The following SASH1 variants were observed in gnomAD, a reference collection of about 807,000 sequenced individuals.
SASH1 encodes SAM and SH3 domain containing 1.
A neutral mutation model predicts 125.2 loss-of-function variants in SASH1; 44 were observed. That is an observed-to-expected ratio of 0.35 (90% CI 0.28 to 0.45). The LOEUF (loss-of-function observed/expected upper bound fraction) is 0.45. Ranked by LOEUF, SASH1 falls within the 20% of genes least tolerant of loss-of-function variation. SASH1 has a pLI of 1.00. For missense variants in SASH1, 1,426 were observed against 1,614.5 expected (o/e 0.88, Z 2.00); for synonymous variants, 639 against 649.1 (o/e 0.98, Z 0.24).
intron 2 of SASH1, among the ~76,000 whole-genome samples, chr6:148,416,362 T>C (rs185155763): frequency 6.6e-6 from 1 of 152,190 alleles, no homozygotes; most frequent in Admixed American, 6.5e-5. Flanking sequence ...TAATCCCCAC[T>C]AGCTGTACAC....
intron 1 of SASH1, among the ~76,000 whole-genome samples, chr6:148,316,414 C>A (rs1203257376): frequency 1.3e-5 from 2 of 152,156 alleles, no homozygotes; most frequent in African/African-American, 4.8e-5. Flanking sequence ...ATGATAATAG[C>A]ACAAATAAAA....
intron 1 of SASH1, among the ~76,000 whole-genome samples, chr6:148,303,011 G>T (rs1203661342): frequency 6.6e-6 from 1 of 151,844 alleles, no homozygotes; most frequent in Non-Finnish European, 1.5e-5. Flanking sequence ...ACGGAGTTTT[G>T]ATCTTGTTGC....
At position 148,291,069 on chromosome 6, in the gene SASH1, G is replaced by C. The variant is rs1779620812; in HGVS notation, n.74+18692G>C. Among the ~76,000 whole-genome samples, 10 of 151,074 alleles carry C rather than the reference G, an allele frequency of 6.6e-5. No individual in the cohort carries two copies. In the South Asian group the frequency reaches 2.1e-3, roughly 32 times the overall value. ...GCTGGAGTGCAGTGGTGCAAATCATGGCTCACTGCAGCCTCAACTGCCCCT... is the reference window on the plus strand; with the variant it reads ...GCTGGAGTGCAGTGGTGCAAATCATCGCTCACTGCAGCCTCAACTGCCCCT... On this transcript the variant is annotated intron_variant and non_coding_transcript_variant, in intron 1 of 3. Transcript: ENST00000367469.
chr6:148,284,750 T>G (rs1779438482), intron 1 of SASH1, among the ~76,000 whole-genome samples: 1 of 152,242 alleles, frequency 6.6e-6, no homozygotes. Flanking sequence ...CATTCTTCTT[T>G]GTTGGACTTT....
chr6:148,426,042 C>G (rs1775809695), intron 2 of SASH1, among the ~76,000 whole-genome samples: 1 of 151,972 alleles, frequency 6.6e-6, no homozygotes, highest in East Asian at 1.9e-4. Flanking sequence ...AACCTGGTCT[C>G]TATTAAAAAT....
chr6:148,241,269 G>T, the SASH1 span, among the ~76,000 whole-genome samples: 269 of 152,280 alleles, frequency 1.8e-3, 1 homozygote, highest in African/African-American at 5.8e-3. Context: ...TCTCATCCAG[G>T]CTATGTAGTT....
chr6:148,540,435 TC>T lies in SASH1; in HGVS notation c.2096-6del. 1 of 1,611,310 alleles carries T rather than the reference TC, an allele frequency of 6.2e-7. No homozygotes were observed. On this transcript the variant is annotated splice_polypyrimidine_tract_variant and splice_region_variant and intron_variant, in intron 16 of 19. Transcript: ENST00000367467. Reference sequence around the variant, plus strand: ...CTTGTTGATTTCATGCCGTGTTCTCTCCTCTAGGTAACAGCGACCAGTCAGG... The same window carrying T: ...CTTGTTGATTTCATGCCGTGTTCTCTCTCTAGGTAACAGCGACCAGTCAGG...
the SASH1 span, among the ~76,000 whole-genome samples, chr6:148,258,753 C>T: frequency 7.2e-5 from 11 of 152,340 alleles, no homozygotes; most frequent in East Asian, 7.7e-4. Flanking sequence ...TACTGACTCA[C>T]GGCTTCCACA....
At chr6:148,487,019 ATATATATATTTGT>A (rs1778894014) in intron 7 of SASH1, among the ~76,000 whole-genome samples, 1 of 110,830 alleles carries the variant, frequency 9.0e-6, no homozygotes, top group Non-Finnish European at 1.9e-5. Context: ...ATATGTTTTT[ATATATATATTTGT>A]TATATATATT....
chr6:148,199,871 G>A, the SASH1 span, among the ~76,000 whole-genome samples: 1 of 151,916 alleles, frequency 6.6e-6, no homozygotes, highest in East Asian at 1.9e-4. Context: ...AAAAGAGAAG[G>A]CAACCTGGAG....
chr6:148,278,682 C>G (rs1482344020), intron 1 of SASH1: 1 of 152,064 alleles, frequency 6.6e-6, no homozygotes, highest in East Asian at 1.9e-4. Context: ...GGGCTCACTT[C>G]AGCAGCACAT....
At chr6:148,393,600 G>A (rs1783824596) in intron 2 of SASH1, 1 of 660,748 alleles carries the variant, frequency 1.5e-6, no homozygotes. Context: ...CTGCCCATCG[G>A]TGGGATTTAG....
Position 148,274,108 on chromosome 6 carries a change from G to A in SASH1, n.74+1731G>A, listed in dbSNP as rs533602914. Among the ~76,000 whole-genome samples the A allele has an allele frequency of 1.1e-4, 17 of 152,300 alleles. 1 individual carries two copies. In the South Asian group the frequency reaches 2.7e-3, roughly 24 times the overall value. On this transcript the variant is annotated intron_variant and non_coding_transcript_variant, in intron 1 of 3. Transcript: ENST00000367469. ...GAAACATAGAATTCCACGGTCATGG[G>A]ATGAACAAAGCAAAAAATGTCTGAA... is the stretch of plus-strand genomic sequence containing the variant.
chr6:148,429,754 A>G (rs1775986864), intron 2 of SASH1, among the ~76,000 whole-genome samples: 1 of 144,742 alleles, frequency 6.9e-6, no homozygotes, highest in Non-Finnish European at 1.5e-5. Flanking sequence ...TTAAAAAAAA[A>G]CAAAAACAAA....
chr6:148,551,420 G>C lies in SASH1; in HGVS notation c.*2862G>C, dbSNP rs1239677003. 2.0e-5 allele frequency: 3 copies of C among 152,612 alleles called. No homozygotes were observed. The highest frequency in any genetic ancestry group is 2.9e-5 in the Non-Finnish European group (2 of 68,046). The allele number at this position is 152,612 out of a possible 1,614,324, so 9.5% of individuals were successfully genotyped here. On this transcript the variant is annotated 3_prime_UTR_variant, in exon 20 of 20. Coordinates refer to ENST00000367467, the MANE Select transcript of SASH1 (RefSeq NM_015278.5). ...TGTGTATGATTTTCACTTCAAAGCTGTCTGGAAGGAAATGCAGTCAGCTCC... is the reference window on the plus strand; with the variant it reads ...TGTGTATGATTTTCACTTCAAAGCTCTCTGGAAGGAAATGCAGTCAGCTCC...
intron 4 of SASH1, chr6:148,440,650 C>T: frequency 2.0e-6 from 1 of 509,554 alleles, no homozygotes; most frequent in Non-Finnish European, 3.4e-6. Context: ...GTGAATAAAC[C>T]CTAAATAAAT....
chr6:148,360,094 A>G (rs1014593081), intron 1 of SASH1, among the ~76,000 whole-genome samples: 3 of 152,022 alleles, frequency 2.0e-5, no homozygotes, highest in Non-Finnish European at 4.4e-5. Context: ...CAAAGGAACC[A>G]GAAATTTGGT....
At chr6:148,451,550 C>A (rs1777102453) in intron 4 of SASH1, among the ~76,000 whole-genome samples, 7 of 152,120 alleles carry the variant, frequency 4.6e-5, no homozygotes, top group Admixed American at 4.6e-4. Context: ...GTAGTCCTAG[C>A]TACTCGGGAG....
chr6:148,426,173 C>T (rs1031620499), intron 2 of SASH1, among the ~76,000 whole-genome samples: 6 of 152,164 alleles, frequency 3.9e-5, no homozygotes, highest in African/African-American at 1.4e-4. Flanking sequence ...CGTGCCACTG[C>T]ACTCTTTTAG....
Sources: allele counts gnomAD v4.1 joint callset (sites outside exome capture counted in the v4.1 genomes callset), GRCh38; gene constraint gnomAD v4.1.1; transcripts MANE v1.5; gene names NCBI Gene and HGNC (gene_info 2026-07-23, HGNC 2026-07-21).